Variants in ADK observed in about 807,000 individuals in gnomAD.
ADK encodes N6,N6-dimethyladenosine kinase.
Under a neutral mutation model 44.7 loss-of-function variants are expected in ADK, and 24 were observed. The ratio of observed to expected loss-of-function variants is 0.54; its 90% confidence interval spans 0.39 to 0.76. The LOEUF is 0.76. Among genes scored for constraint, ADK ranks in the 30% least tolerant of loss-of-function variants. The probability of loss-of-function intolerance (pLI) is 0.00; values close to 1 mark genes in which losing one functional copy is unlikely to be tolerated. For missense variants in ADK, 321 were observed against 425.1 expected, an observed-to-expected ratio of 0.76 and a Z score of 2.15; for synonymous variants, 128 against 142.6, an observed-to-expected ratio of 0.90 and a Z score of 0.73.
intron 6 of ADK, among the ~76,000 whole-genome samples, chr10:74,474,295 G>C (rs1287893005): frequency 6.6e-6 from 1 of 151,934 alleles, no homozygotes; most frequent in Admixed American, 6.6e-5. Flanking sequence ...AAGAGGCAGG[G>C]CCTCACTGTG....
At chr10:74,490,624 A>G (rs1254290391) in intron 6 of ADK, among the ~76,000 whole-genome samples, 1 of 152,032 alleles carries the variant, frequency 6.6e-6, no homozygotes, top group African/African-American at 2.4e-5. Flanking sequence ...AACTTTTTGA[A>G]CCCATGTCTC....
chr10:74,298,396 C>G lies in ADK; in HGVS notation c.195-16271C>G, dbSNP rs534570353. Among the ~76,000 whole-genome samples the G allele has an allele frequency of 1.0e-3, 159 of 152,116 alleles. 1 individual carries two copies. The highest frequency in any genetic ancestry group is 3.5e-3 in the Admixed American group (53 of 15,286). ...CATTGTAGCAGCTAAAGAATATTTT[C>G]AGAAAAAAATTACATTTTTAAAAAT... On this transcript the variant is annotated intron_variant, in intron 3 of 10. Transcript: ENST00000539909.
intron 3 of ADK, among the ~76,000 whole-genome samples, chr10:74,246,323 G>T (rs1845414128): frequency 6.6e-6 from 1 of 152,208 alleles, no homozygotes; most frequent in East Asian, 1.9e-4. Flanking sequence ...AAAAGACAAA[G>T]TTACAACAAA....
chr10:74,418,415 A>T (rs1844446408), intron 6 of ADK, among the ~76,000 whole-genome samples: 1 of 152,136 alleles, frequency 6.6e-6, no homozygotes, highest in African/African-American at 2.4e-5. Context: ...GTCTAGCTGC[A>T]GCAGCCCAGG....
intron 4 of ADK, among the ~76,000 whole-genome samples, chr10:74,351,657 A>G (rs1474336385): frequency 2.6e-5 from 4 of 152,208 alleles, no homozygotes; most frequent in Non-Finnish European, 5.9e-5. Flanking sequence ...ATGATTGTAT[A>G]TTTAGAAAAC....
chr10:74,483,816 A>G (rs1589157302), intron 6 of ADK, among the ~76,000 whole-genome samples: 1 of 152,126 alleles, frequency 6.6e-6, no homozygotes, highest in East Asian at 1.9e-4. Flanking sequence ...AGTGACCTTC[A>G]CTCCATTTGC....
intron 6 of ADK, among the ~76,000 whole-genome samples, chr10:74,413,391 G>A (rs1844255097): frequency 6.6e-6 from 1 of 152,198 alleles, no homozygotes. Flanking sequence ...CATCAATGAT[G>A]TTGGCAAGAT....
chr10:74,151,341 G>C lies in ADK; in HGVS notation c.63G>C (p.Leu21=). The change falls in exon 1 of 11, where the codon CTG becomes CTC. Residue 21 remains leucine, a splice_region_variant and synonymous_variant. Coordinates refer to ENST00000539909, the MANE Select transcript of ADK (RefSeq NM_006721.4). The part of the protein sequence containing the change: ...KKLKVEAPQA[L]RENILFGMGN... ...TGAAGGTGGAGGCGCCGCAAGCGCT[G>C]AGGTGAGCGCTGCCGGACTTGGGGA... 5.8e-6 allele frequency: 9 copies of C among 1,549,554 alleles called. No individual in the cohort carries two copies. Among genetic ancestry groups the C allele is most frequent in the Non-Finnish European group, 7.8e-6 (9 of 1,146,782 alleles).
At chr10:74,479,762 A>G (rs986487299) in intron 6 of ADK, among the ~76,000 whole-genome samples, 3 of 151,930 alleles carry the variant, frequency 2.0e-5, no homozygotes, top group Non-Finnish European at 4.4e-5. Flanking sequence ...CTACTCTCCA[A>G]TCAGTTTTAA....
intron 9 of ADK, among the ~76,000 whole-genome samples, chr10:74,616,208 G>A (rs1330831678): frequency 2.6e-5 from 4 of 152,022 alleles, no homozygotes; most frequent in Admixed American, 2.6e-4. Flanking sequence ...ATAAACAAAA[G>A]TTCTTGATTT....
At chr10:74,650,193 G>T (rs958932181) in intron 9 of ADK, among the ~76,000 whole-genome samples, 1 of 152,146 alleles carries the variant, frequency 6.6e-6, no homozygotes. Context: ...GCTGAGGCGG[G>T]CAGATCATTT....
At chr10:74,673,666 G>A (rs180995458) in intron 10 of ADK, among the ~76,000 whole-genome samples, 4 of 152,296 alleles carry the variant, frequency 2.6e-5, no homozygotes, top group East Asian at 1.9e-4. Context: ...TCAGTTGAGT[G>A]ACCCTCCATT....
At chr10:74,218,042 A>G (rs913034786) in intron 2 of ADK, among the ~76,000 whole-genome samples, 3 of 152,236 alleles carry the variant, frequency 2.0e-5, no homozygotes, top group Non-Finnish European at 4.4e-5. Flanking sequence ...GACGAGTTGA[A>G]AGAAGAAGGC....
chr10:74,498,010 C>T (rs571952425), intron 6 of ADK, among the ~76,000 whole-genome samples: 2 of 152,238 alleles, frequency 1.3e-5, no homozygotes, highest in African/African-American at 4.8e-5. Context: ...CTGCCTCAGC[C>T]TCCCCAGTAG....
intron 4 of ADK, among the ~76,000 whole-genome samples, chr10:74,347,106 CAAAAAAAAAAAAAAAAAAAAA>C (rs58074760): frequency 0.65 from 60,353 of 92,712 alleles, 17,633 homozygotes; most frequent in Middle Eastern, 0.72. Context: ...CACTCTGTCT[CAAAAAAAAAAAAAAAAAAAAA>C]AAAAAAAAAA....
At chr10:74,382,580 A>G (rs1452517045) in intron 4 of ADK, among the ~76,000 whole-genome samples, 2 of 152,038 alleles carry the variant, frequency 1.3e-5, no homozygotes, top group African/African-American at 2.4e-5. Flanking sequence ...AGTTTTGGAG[A>G]CCTTTGGAGA....
chr10:74,595,679 T>A (rs879591395), intron 8 of ADK, among the ~76,000 whole-genome samples: 1 of 186 alleles, frequency 5.4e-3, no homozygotes, highest in Non-Finnish European at 0.011. Context: ...CCCATCGCCA[T>A]ATCAGTTCAA....
At chr10:74,347,439 G>A (rs1006556155) in intron 4 of ADK, among the ~76,000 whole-genome samples, 5 of 152,126 alleles carry the variant, frequency 3.3e-5, no homozygotes, top group Non-Finnish European at 2.9e-5. Flanking sequence ...AGGAGATTCC[G>A]TCGTGTGCCT....
intron 9 of ADK, among the ~76,000 whole-genome samples, chr10:74,610,096 C>T (rs555502488): frequency 1.8e-4 from 27 of 152,246 alleles, no homozygotes; most frequent in African/African-American, 6.5e-4. Flanking sequence ...GAAGCAGGAA[C>T]CTAAACAGAT....
Sources: gnomAD v4.1 joint callset for allele counts (sites outside exome capture counted in the v4.1 genomes callset) on GRCh38, gnomAD v4.1.1 for gene constraint, MANE v1.5 for transcripts, NCBI Gene and HGNC (gene_info 2026-07-23, HGNC 2026-07-21) for gene names.